Variants in CFAP44 observed in about 807,000 individuals in gnomAD.
CFAP44 encodes the protein cilia- and flagella-associated protein 44.
In CFAP44, 134 loss-of-function variants were observed where a neutral mutation model predicts 216.2. The ratio of observed to expected loss-of-function variants is 0.62; its 90% CI spans 0.54 to 0.72. The LOEUF is 0.72. Ranked by LOEUF, CFAP44 falls within the 30% of genes least tolerant of loss-of-function variation. The pLI is 0.00. For synonymous variants in CFAP44, 700 were observed against 727.6 expected, an observed-to-expected ratio of 0.96 and a Z score of 0.61; for missense variants, 2,035 against 2,182.1, an observed-to-expected ratio of 0.93 and a Z score of 1.34.
At chr3:113,334,246 A>T (rs929687795) in intron 24 of CFAP44, among the ~76,000 whole-genome samples, 1 of 152,172 alleles carries the variant, frequency 6.6e-6, no homozygotes, top group African/African-American at 2.4e-5. Flanking sequence ...CATCATGCCC[A>T]GAAAATTAAA....
intron 7 of CFAP44, among the ~76,000 whole-genome samples, chr3:113,408,280 C>T (rs749570028): frequency 5.9e-5 from 9 of 152,008 alleles, no homozygotes; most frequent in South Asian, 4.1e-4. Context: ...CATTCCATCC[C>T]GGAAATAGAC....
chr3:113,337,739 C>T (rs113118917), intron 24 of CFAP44, among the ~76,000 whole-genome samples: 5 of 151,752 alleles, frequency 3.3e-5, no homozygotes, highest in Admixed American at 2.6e-4. Context: ...ATTGGACATC[C>T]GTAAGAAAAA....
Position 113,291,662 on chromosome 3 carries a change from A to T in CFAP44, c.5460T>A (p.Ile1820=). Residue 1820 remains isoleucine (I), a synonymous_variant, in exon 35 of 35, where the codon ATT becomes ATA. Coordinates refer to ENST00000393845, the MANE Select transcript of CFAP44 (RefSeq NM_001164496.2). Reference sequence around the variant, plus strand: ...GAGCAATCTCCTCCTTTAAGGCCGAAATCCTTTCCGCCTGGAGTTGGATCA... The same window carrying T: ...GAGCAATCTCCTCCTTTAAGGCCGATATCCTTTCCGCCTGGAGTTGGATCA... ...TELIQLQAER[I]SALKEEIALL... is the part of the protein sequence containing the mutation. The T allele has an allele frequency of 6.5e-7, 1 of 1,537,410 alleles. No homozygotes were observed. The highest frequency in any genetic ancestry group is 8.7e-7 in the Non-Finnish European group (1 of 1,146,970).
At chr3:113,338,987 G>A (rs1229186362) in intron 24 of CFAP44, among the ~76,000 whole-genome samples, 1 of 152,040 alleles carries the variant, frequency 6.6e-6, no homozygotes, top group African/African-American at 2.4e-5. Context: ...AACCTGAGAT[G>A]GCCAACAGGA....
chr3:113,357,315 G>A (rs2107306767), intron 22 of CFAP44, among the ~76,000 whole-genome samples: 1 of 152,244 alleles, frequency 6.6e-6, no homozygotes, highest in East Asian at 1.9e-4. Flanking sequence ...TCTTGATAGA[G>A]GTAATCAAGT....
chr3:113,294,629 G>A, intron 34 of CFAP44, 58 bp downstream of exon 34: 4 of 1,463,042 alleles, frequency 2.7e-6, no homozygotes, highest in South Asian at 1.5e-5. Flanking sequence ...CTTGTGAATA[G>A]CTACCTTTGA....
chr3:113,309,650 T>C (rs910501224), intron 28 of CFAP44, among the ~76,000 whole-genome samples: 2 of 152,166 alleles, frequency 1.3e-5, no homozygotes, highest in African/African-American at 4.8e-5. Context: ...AGGTCATCTA[T>C]GAACTACAGA....
chr3:113,433,804 C>A (rs1935169919), intron 1 of CFAP44, 135 bp from the exon 2 acceptor site: 2 of 679,980 alleles, frequency 2.9e-6, no homozygotes, highest in Non-Finnish European at 5.1e-6. Context: ...TCCAGGATGA[C>A]CCACCAGTAG....
chr3:113,428,653 G>A (rs537123465), intron 2 of CFAP44, among the ~76,000 whole-genome samples: 22 of 152,158 alleles, frequency 1.4e-4, no homozygotes, highest in African/African-American at 5.3e-4. Context: ...CCATTTTTTT[G>A]TATAACTAGA....
Position 113,341,816 on chromosome 3 carries a change from G to A in CFAP44, c.3365C>T (p.Thr1122Met), listed in dbSNP as rs1381091072. Residue 1122 changes from threonine to methionine, a missense_variant, in exon 24 of 35, where the codon ACG (threonine) becomes ATG (methionine). Physicochemically the swap from Thr to Met is moderately conservative, Grantham distance 81. Transcript: ENST00000393845. ...TTCAGCTTTTAATATAAGTTTTCTC[G>A]TTTTCTCAATTTGATTTTCCACGAT... ...EIIVENQIEK[T>M]RKLILKAERA... 31 of 1,528,392 alleles carry A rather than the reference G, an allele frequency of 2.0e-5. No homozygotes were observed. The highest frequency in any genetic ancestry group is 1.1e-4 in the South Asian group (9 of 81,406). The allele number at this position is 1,528,392 out of a possible 1,614,324, so 94.7% of individuals were successfully genotyped here.
At chr3:113,320,105 A>G (rs1950127976) in intron 28 of CFAP44, among the ~76,000 whole-genome samples, 1 of 152,132 alleles carries the variant, frequency 6.6e-6, no homozygotes, top group Non-Finnish European at 1.5e-5. Flanking sequence ...TAAAAAATAG[A>G]TAACAATGAA....
Position 113,433,680 on chromosome 3 carries a change from A to C in CFAP44, c.-5-11T>G. The C allele has an allele frequency of 6.3e-7, 1 of 1,592,556 alleles. No individual in the cohort carries two copies. Among genetic ancestry groups the C allele is most frequent in the Non-Finnish European group, 8.6e-7 (1 of 1,161,956 alleles). On this transcript the variant is annotated splice_polypyrimidine_tract_variant and intron_variant, in intron 1 of 34. Coordinates refer to ENST00000393845, the MANE Select transcript of CFAP44 (RefSeq NM_001164496.2). The stretch of plus-strand genomic sequence containing the variant: ...GTTCCTTCATTTCCTCTGTAAGTAC[A>C]AAATGGGGATGAGATATGGATAAAG...
intron 1 of CFAP44, among the ~76,000 whole-genome samples, chr3:113,440,330 G>C (rs1236625339): frequency 6.6e-6 from 1 of 152,098 alleles, no homozygotes; most frequent in East Asian, 1.9e-4. Flanking sequence ...CAAAGTGCTG[G>C]GATCACAGGC....
At chr3:113,359,836 A>G (rs1950521354) in intron 21 of CFAP44, among the ~76,000 whole-genome samples, 2 of 152,290 alleles carry the variant, frequency 1.3e-5, no homozygotes, top group South Asian at 4.1e-4. Flanking sequence ...CAAAAGAAAA[A>G]AAGGTAGAAT....
At chr3:113,397,712 T>C (rs973244077) in intron 13 of CFAP44, among the ~76,000 whole-genome samples, 1 of 152,014 alleles carries the variant, frequency 6.6e-6, no homozygotes. Context: ...TATTACTGGA[T>C]ATGGGGAATG....
At chr3:113,362,863 C>A in intron 21 of CFAP44, 1 of 1,158,278 alleles carries the variant, frequency 8.6e-7, no homozygotes, top group Non-Finnish European at 1.1e-6. Context: ...CTTAAAAGAA[C>A]TCTTGGGTTC....
intron 29 of CFAP44, among the ~76,000 whole-genome samples, chr3:113,307,288 T>C (rs1949995477): frequency 6.6e-6 from 1 of 152,254 alleles, no homozygotes; most frequent in Non-Finnish European, 1.5e-5. Context: ...CATTTCTCTA[T>C]AAAATTAAAC....
intron 32 of CFAP44, among the ~76,000 whole-genome samples, chr3:113,300,534 T>G (rs1949924778): frequency 2.0e-5 from 3 of 151,242 alleles, no homozygotes; most frequent in South Asian, 4.2e-4. Flanking sequence ...GAAAACAAAT[T>G]TTTAATTATC....
In CFAP44 at chr3:113,424,165, C is replaced by T. The variant is rs143297997; in HGVS notation, c.407+1959G>A. ...AAAAACTGAAGTAGAGGGCTAGGCG[C>T]GGTGGCTCACACCTGTAATCCCAGC... is the stretch of plus-strand genomic sequence containing the variant. On this transcript the variant is annotated intron_variant, in intron 4 of 34. Coordinates refer to ENST00000393845, the MANE Select transcript of CFAP44 (RefSeq NM_001164496.2). 6.0e-3 allele frequency among the ~76,000 whole-genome samples: 907 copies of T among 152,260 alleles called. 8 individuals are homozygous for T. Among genetic ancestry groups the T allele is most frequent in the African/African-American group, 0.021 (856 of 41,562 alleles).
Sources: allele counts gnomAD v4.1 joint callset (sites outside exome capture counted in the v4.1 genomes callset), GRCh38; gene constraint gnomAD v4.1.1; transcripts MANE v1.5; gene names NCBI Gene and HGNC (gene_info 2026-07-23, HGNC 2026-07-21).